Variants in OR5M3 observed in about 807,000 individuals in gnomAD.
The protein encoded by OR5M3 is olfactory receptor 5M3.
For missense variants in OR5M3, 384 were observed against 378.6 expected, an observed-to-expected ratio of 1.01 and a Z score of -0.12; for synonymous variants, 129 against 131.3, an observed-to-expected ratio of 0.98 and a Z score of 0.12.
At chr11:56,472,528 A>G (rs1173560954) in intron 1 of OR5M3, among the ~76,000 whole-genome samples, 1 of 151,994 alleles carries the variant, frequency 6.6e-6, no homozygotes. Flanking sequence ...CATTGTTAGT[A>G]CTCCCCTCAA....
chr11:56,469,649 C>G lies in OR5M3; in HGVS notation c.849G>C (p.Leu283Phe). The change falls in exon 2 of 2, where the codon TTG becomes TTC. Residue 283 changes from leucine to phenylalanine, a missense_variant. Transcript: ENST00000641993. ...AVFYTTVIPM[L>F]NPMIYSLRNK... ...TCCTCAGACTGTAGATCATGGGATT[C>G]AACATGGGGATCACTGTGGTATAGA... The G allele has an allele frequency of 4.5e-6, 7 of 1,567,312 alleles. No individual in the cohort carries two copies. Among genetic ancestry groups the G allele is most frequent in the Non-Finnish European group, 5.2e-6 (6 of 1,148,656 alleles).
Position 56,470,310 on chromosome 11 carries a change from T to A in OR5M3, c.188A>T (p.His63Leu). Residue 63 changes from histidine (H) to leucine (L), a missense_variant, in exon 2 of 2, where the codon CAC (histidine) becomes CTC (leucine). By Grantham distance (99) the His-to-Leu change is moderately conservative. Coordinates refer to ENST00000641993, the MANE Select transcript of OR5M3 (RefSeq NM_001004742.3). ...AAACCACACATCAACAAATGACAAG[T>A]GACTGAGGAAAAAGTACATGGGGTT... ...LNNPMYFFLSHLSFVDVWFSS... is the reference protein window; with the variant it reads ...LNNPMYFFLSLLSFVDVWFSS... The A allele has an allele frequency of 6.2e-7, 1 of 1,613,758 alleles. No individual in the cohort carries two copies. Among genetic ancestry groups the A allele is most frequent in the Non-Finnish European group, 8.5e-7 (1 of 1,179,796 alleles).
rs1320099291 is a variant in OR5M3, at chr11:56,469,689, T to A, written c.809A>T (p.Lys270Met). 1 of 1,602,410 alleles carries A rather than the reference T, an allele frequency of 6.2e-7. No individual in the cohort carries two copies. Among genetic ancestry groups the A allele is most frequent in the Non-Finnish European group, 8.5e-7 (1 of 1,170,732 alleles). Residue 270 changes from lysine (K) to methionine (M), a missense_variant, in exon 2 of 2, where the codon AAG (lysine) becomes ATG (methionine). Lys to Met is a moderately conservative substitution (Grantham distance 95). Transcript: ENST00000641993. ...TGTGGTATAGAACACAGCCACCATC[T>A]TCCCCTGCTCCACAGACTCCTCTGT... Reference protein sequence around the residue: ...RPTEESVEQGKMVAVFYTTVI... With the variant: ...RPTEESVEQGMMVAVFYTTVI...
Position 56,470,138 on chromosome 11 carries a change from T to G in OR5M3, c.360A>C (p.Arg120Ser), listed in dbSNP as rs1271751951. The G allele has an allele frequency of 6.2e-7, 1 of 1,604,446 alleles. No homozygotes were observed. ...IFILAAMAFD[R>S]YMAIGNPLLY... Reference sequence around the variant, plus strand: ...GCAGAGGATTCCCAATTGCCATGTATCTATCAAAGGCCATCGCAGCAAGAA... The same window carrying G: ...GCAGAGGATTCCCAATTGCCATGTAGCTATCAAAGGCCATCGCAGCAAGAA... Residue 120 changes from arginine (R) to serine (S), a missense_variant, in exon 2 of 2, where the codon AGA becomes AGC. Transcript: ENST00000641993.
rs59716070 is a variant in OR5M3, at chr11:56,469,406, C to G, written c.*168G>C. 5.6e-3 allele frequency: 2,859 copies of G among 508,548 alleles called. 79 individuals carry two copies. Among genetic ancestry groups the G allele is most frequent in the African/African-American group, 0.051 (2,599 of 51,276 alleles). The allele number at this position is 508,548 out of a possible 1,614,324, so 31.5% of individuals were successfully genotyped here. ...ATGTAATTAATCTCCATACTCACATCAACAGAAATGAATCATTCCTCCTTA... is the reference window on the plus strand; with the variant it reads ...ATGTAATTAATCTCCATACTCACATGAACAGAAATGAATCATTCCTCCTTA... On this transcript the variant is annotated 3_prime_UTR_variant, in exon 2 of 2. Transcript: ENST00000641993.
chr11:56,472,908 T>C (rs896487210), intron 1 of OR5M3, among the ~76,000 whole-genome samples: 1 of 152,204 alleles, frequency 6.6e-6, no homozygotes, highest in South Asian at 2.1e-4. Flanking sequence ...TCTTGTTTTG[T>C]TTTGCTTTTA....
intron 1 of OR5M3, among the ~76,000 whole-genome samples, chr11:56,472,220 A>T (rs1041335249): frequency 6.6e-6 from 1 of 152,076 alleles, no homozygotes; most frequent in Non-Finnish European, 1.5e-5. Flanking sequence ...TAGTGGGTAC[A>T]TTTTTAAAAA....
At chr11:56,470,588 T>C in intron 1 of OR5M3, 47 bp from the exon 2 acceptor site, 2 of 686,248 alleles carry the variant, frequency 2.9e-6, no homozygotes, top group East Asian at 2.8e-5. Context: ...TATTAATTTA[T>C]ACCTTCAGAT....
At chr11:56,470,611 CA>C (rs1853658621) in intron 1 of OR5M3, 70 bp from the exon 2 acceptor site, 1 of 606,382 alleles carries the variant, frequency 1.6e-6, no homozygotes, top group South Asian at 2.5e-5. Flanking sequence ...TCCCTTTATA[CA>C]ATATCTATTA....
At position 56,470,336 on chromosome 11, in the gene OR5M3, G is replaced by T; in HGVS notation, c.162C>A (p.Asn54Lys). Reference protein sequence around the residue: ...MVLIKVSPQLNNPMYFFLSHL... With the variant: ...MVLIKVSPQLKNPMYFFLSHL... ...GACTGAGGAAAAAGTACATGGGGTT[G>T]TTAAGCTGAGGACTGACCTTGATTA... Residue 54 changes from asparagine to lysine, a missense_variant, in exon 2 of 2, where the codon AAC becomes AAA. Coordinates refer to ENST00000641993, the MANE Select transcript of OR5M3 (RefSeq NM_001004742.3). 1 of 1,613,848 alleles carries T rather than the reference G, an allele frequency of 6.2e-7. No homozygotes were observed. Among genetic ancestry groups the T allele is most frequent in the Non-Finnish European group, 8.5e-7 (1 of 1,179,864 alleles).
chr11:56,471,834 A>G (rs1284657914), intron 1 of OR5M3, among the ~76,000 whole-genome samples: 1 of 152,066 alleles, frequency 6.6e-6, no homozygotes, highest in Admixed American at 6.6e-5. Flanking sequence ...GCCTTTCAGC[A>G]GGAAATACAT....
At chr11:56,471,956 C>A (rs1797005973) in intron 1 of OR5M3, among the ~76,000 whole-genome samples, 1 of 151,994 alleles carries the variant, frequency 6.6e-6, no homozygotes, top group Non-Finnish European at 1.5e-5. Flanking sequence ...TGTATTCAAT[C>A]ACAATTTGAT....
chr11:56,470,372 G>A lies in OR5M3; in HGVS notation c.126C>T (p.Gly42=), dbSNP rs1181332423. The A allele has an allele frequency of 1.2e-6, 2 of 1,613,488 alleles. No homozygotes were observed. The highest frequency in any genetic ancestry group is 2.2e-5 in the South Asian group (2 of 91,066). Residue 42 remains glycine, a synonymous_variant, in exon 2 of 2, where the codon GGC becomes GGT. Coordinates refer to ENST00000641993, the MANE Select transcript of OR5M3 (RefSeq NM_001004742.3). ...GACTGACCTTGATTAACACCATCAT[G>A]CCGATATTGCCCACCATGGTGATGA... The part of the protein sequence containing the change: ...VYIITMVGNI[G]MMVLIKVSPQ...
intron 1 of OR5M3, 90 bp from the exon 2 acceptor site, chr11:56,470,631 T>G: frequency 1.9e-6 from 1 of 533,678 alleles, no homozygotes; most frequent in Non-Finnish European, 3.2e-6. Flanking sequence ...TAGCACACTT[T>G]GCATTCTTTT....
chr11:56,469,599 A>G lies in OR5M3; in HGVS notation c.899T>C (p.Met300Thr). 6.6e-7 allele frequency: 1 copy of G among 1,506,050 alleles called. No individual in the cohort carries two copies. The highest frequency in any genetic ancestry group is 8.9e-7 in the Non-Finnish European group (1 of 1,118,764). 93.3% of individuals were successfully genotyped at this position (1,506,050 alleles called of 1,614,324 possible). Reference sequence around the variant, plus strand: ...TTAACATGATCTGCTGATCACTTTCATCATGGCCTTTTTCACATCCTTGTT... The same window carrying G: ...TTAACATGATCTGCTGATCACTTTCGTCATGGCCTTTTTCACATCCTTGTT... ...LRNKDVKKAM[M>T]KVISRSC Residue 300 changes from methionine (M) to threonine (T), a missense_variant, in exon 2 of 2, where the codon ATG becomes ACG. By Grantham distance (81) the Met-to-Thr change is moderately conservative. Coordinates refer to ENST00000641993, the MANE Select transcript of OR5M3 (RefSeq NM_001004742.3).
Position 56,469,861 on chromosome 11 carries a change from T to G in OR5M3, c.637A>C (p.Ile213Leu). 1 of 1,613,148 alleles carries G rather than the reference T, an allele frequency of 6.2e-7. No individual in the cohort carries two copies. Among genetic ancestry groups the G allele is most frequent in the Non-Finnish European group, 8.5e-7 (1 of 1,179,104 alleles). The part of the protein sequence containing the change: ...INFTYSLTVI[I>L]ISYLFILIAI... ...ATGAGGATGAATAAGTAAGAGATGA[T>G]AATTACAGTCAGGGAATATGTGAAG... The change falls in exon 2 of 2, where the codon ATC becomes CTC. Residue 213 changes from isoleucine to leucine, a missense_variant. By Grantham distance (5) the Ile-to-Leu change is conservative. Coordinates refer to ENST00000641993, the MANE Select transcript of OR5M3 (RefSeq NM_001004742.3).
rs202191066 is a variant in OR5M3, at chr11:56,469,720, G to A, written c.778C>T (p.Arg260Cys). The A allele has an allele frequency of 7.8e-5, 125 of 1,611,904 alleles. 2 individuals are homozygous for A. The East Asian group carries it at 2.2e-3, about 28-fold the overall frequency. Residue 260 changes from arginine to cysteine, a missense_variant, in exon 2 of 2, where the codon CGT becomes TGT. Physicochemically the swap from Arg to Cys is radical, Grantham distance 180. Transcript: ENST00000641993. ...YGTLIFMYLR[R>C]PTEESVEQGK... Reference sequence around the variant, plus strand: ...TGCTCCACAGACTCCTCTGTGGGACGTCTGAGATACATGAAGATCAGAGTA... The same window carrying A: ...TGCTCCACAGACTCCTCTGTGGGACATCTGAGATACATGAAGATCAGAGTA...
At chr11:56,470,665 T>C in intron 1 of OR5M3, 124 bp from the exon 2 acceptor site, 1 of 485,252 alleles carries the variant, frequency 2.1e-6, no homozygotes, top group Non-Finnish European at 3.6e-6. Context: ...TCAGTGCCTG[T>C]TATGTAACAG....
Position 56,469,649 on chromosome 11 carries a change from C to A in OR5M3, c.849G>T (p.Leu283Phe), listed in dbSNP as rs201079940. 301 of 1,567,312 alleles carry A rather than the reference C, an allele frequency of 1.9e-4. 1 individual carries two copies. The highest frequency in any genetic ancestry group is 1.5e-3 in the Middle Eastern group (9 of 5,866). Residue 283 changes from leucine to phenylalanine, a missense_variant, in exon 2 of 2, where the codon TTG becomes TTT. Physicochemically the swap from Leu to Phe is conservative, Grantham distance 22. Coordinates refer to ENST00000641993, the MANE Select transcript of OR5M3 (RefSeq NM_001004742.3). The part of the protein sequence containing the change: ...AVFYTTVIPM[L>F]NPMIYSLRNK... ...TCCTCAGACTGTAGATCATGGGATT[C>A]AACATGGGGATCACTGTGGTATAGA...
Sources: allele counts gnomAD v4.1 joint callset (sites outside exome capture counted in the v4.1 genomes callset), GRCh38; gene constraint gnomAD v4.1.1; transcripts MANE v1.5; gene names NCBI Gene and HGNC (gene_info 2026-07-23, HGNC 2026-07-21).